Variants in SHANK2 observed in about 807,000 individuals in gnomAD.
SHANK2 encodes the protein SH3 and multiple ankyrin repeat domains 2.
SHANK2 carries 43 observed loss-of-function variants against 133.7 expected under a neutral mutation model. The ratio of observed to expected loss-of-function variants is 0.32; its 90% CI spans 0.25 to 0.41. The LOEUF (loss-of-function observed/expected upper bound fraction) is 0.41. Ranked by LOEUF, SHANK2 falls within the 10% of genes least tolerant of loss-of-function variation. The pLI is 1.00. For synonymous variants in SHANK2, 1,017 were observed against 952.8 expected (o/e 1.07, Z -1.24); for missense variants, 1,994 against 2,235.8 (o/e 0.89, Z 2.18).
At chr11:70,733,801 AG>A (rs1555032813) in intron 14 of SHANK2, among the ~76,000 whole-genome samples, 1 of 152,108 alleles carries the variant, frequency 6.6e-6, no homozygotes, top group African/African-American at 2.4e-5. Flanking sequence ...GCCCAAGAAG[AG>A]GGGCAGGCTC....
intron 15 of SHANK2, among the ~76,000 whole-genome samples, chr11:70,694,353 C>T (rs978949733): frequency 1.1e-4 from 17 of 152,198 alleles, no homozygotes; most frequent in African/African-American, 3.9e-4. Context: ...ATTTGGCTCT[C>T]CAGCTCTGAG....
At position 70,500,555 on chromosome 11, in the gene SHANK2, C is replaced by T. The variant is rs748210693; in HGVS notation, c.2308+15G>A. On this transcript the variant is annotated intron_variant, in intron 21 of 25. Transcript: ENST00000601538. This position sits in a 1 kb window ranked among gnomAD's most constrained non-coding sequence, Gnocchi z 4.5. ...GATGGGCAGGGGGCTGAGACAGACACTGGGCCTCCCTTACCCTTCTTCTTC... is the reference window on the plus strand; with the variant it reads ...GATGGGCAGGGGGCTGAGACAGACATTGGGCCTCCCTTACCCTTCTTCTTC... The T allele has an allele frequency of 3.1e-6, 5 of 1,600,720 alleles. No homozygotes were observed. Among genetic ancestry groups the T allele is most frequent in the South Asian group, 1.1e-5 (1 of 88,346 alleles).
intron 15 of SHANK2, among the ~76,000 whole-genome samples, chr11:70,663,735 G>A (rs1169943620): frequency 6.6e-6 from 1 of 152,124 alleles, no homozygotes; most frequent in African/African-American, 2.4e-5. Flanking sequence ...TGGGGAACTC[G>A]GTCACAACTG....
intron 24 of SHANK2, among the ~76,000 whole-genome samples, chr11:70,488,695 G>A (rs989246735): frequency 6.6e-6 from 1 of 152,250 alleles, no homozygotes; most frequent in African/African-American, 2.4e-5. Context: ...AAGTGGTCCT[G>A]CCAAGACCCT....
At chr11:70,928,457 A>G (rs569355004) in intron 10 of SHANK2, among the ~76,000 whole-genome samples, 2 of 152,324 alleles carry the variant, frequency 1.3e-5, no homozygotes, top group South Asian at 4.1e-4. Context: ...GAAACAGAGC[A>G]TGGTTGCCAG....
At chr11:70,763,735 A>G (rs1438581450) in intron 14 of SHANK2, among the ~76,000 whole-genome samples, 3 of 152,174 alleles carry the variant, frequency 2.0e-5, no homozygotes, top group Non-Finnish European at 4.4e-5. Flanking sequence ...GGCAGGCAGA[A>G]TGCATTTGAC....
chr11:70,681,620 C>T (rs534636763), intron 15 of SHANK2, among the ~76,000 whole-genome samples: 1 of 152,148 alleles, frequency 6.6e-6, no homozygotes, highest in Non-Finnish European at 1.5e-5. Flanking sequence ...GGGGAGAGGC[C>T]AGCTCATTCG....
chr11:70,932,741 C>T (rs534356052), intron 10 of SHANK2, among the ~76,000 whole-genome samples: 1 of 152,146 alleles, frequency 6.6e-6, no homozygotes, highest in Non-Finnish European at 1.5e-5. Flanking sequence ...TAGGCTCATG[C>T]CTTCCATACA....
intron 14 of SHANK2, among the ~76,000 whole-genome samples, chr11:70,710,377 G>A (rs1177084664): frequency 1.3e-5 from 2 of 152,182 alleles, no homozygotes; most frequent in South Asian, 2.1e-4. Flanking sequence ...GCCCCCTCTC[G>A]GCTATGGAAT....
At chr11:70,753,028 G>A (rs1946788492) in intron 14 of SHANK2, among the ~76,000 whole-genome samples, 1 of 151,864 alleles carries the variant, frequency 6.6e-6, no homozygotes, top group South Asian at 2.1e-4. Context: ...CAGGAGAATC[G>A]CTTGAACCCA....
In SHANK2 at chr11:70,828,402, C is replaced by G. The variant is rs1948677928; in HGVS notation, c.1175-7720G>C. Among the ~76,000 whole-genome samples the G allele has an allele frequency of 2.6e-5, 4 of 152,244 alleles. No individual in the cohort carries two copies. The South Asian group carries it at 8.3e-4, about 31-fold the overall frequency. On this transcript the variant is annotated intron_variant, in intron 11 of 25. Transcript: ENST00000601538. ...GGGGTGACATTCTCACCCTACCATG[C>G]ATCACCGACTCATAAAACTGAGTCA...
At chr11:71,232,326 C>T (rs1266086729) in intron 1 of SHANK2, among the ~76,000 whole-genome samples, 3 of 152,142 alleles carry the variant, frequency 2.0e-5, no homozygotes, top group South Asian at 2.1e-4. Context: ...ATCAGCATCC[C>T]GGCCAATACT....
chr11:70,800,827 A>G (rs1948027991), intron 13 of SHANK2, among the ~76,000 whole-genome samples: 1 of 152,210 alleles, frequency 6.6e-6, no homozygotes, highest in Non-Finnish European at 1.5e-5. Flanking sequence ...AGGGAGGCCA[A>G]GGACTTGCTG....
intron 1 of SHANK2, among the ~76,000 whole-genome samples, chr11:71,235,623 G>GTTACCTGTATTT (rs1460928296): frequency 6.6e-6 from 1 of 151,038 alleles, no homozygotes; most frequent in Non-Finnish European, 1.5e-5. Flanking sequence ...TTAACTTTAT[G>GTTACCTGTATTT]TTACCTGTAT....
chr11:71,147,126 C>G lies in SHANK2; in HGVS notation c.201G>C (p.Gln67His), dbSNP rs1357357893. The change falls in exon 3 of 26, where the codon CAG becomes CAC. Residue 67 changes from glutamine to histidine, a missense_variant. This residue lies in a region of SHANK2 where 653 missense variants were observed against 563.4 expected (regional missense o/e 1.16). Transcript: ENST00000601538. ...GGCAGACCACGGGGCTCACCGTCTG[C>G]TGCAGGTCATGGATGACCACGCGGA... ...LVIRVVIHDL[Q>H]QTKCIRFNPD... 2.6e-6 allele frequency: 4 copies of G among 1,547,458 alleles called. No homozygotes were observed. Among genetic ancestry groups the G allele is most frequent in the Non-Finnish European group, 2.6e-6 (3 of 1,146,256 alleles).
intron 17 of SHANK2, among the ~76,000 whole-genome samples, chr11:70,513,406 T>G (rs2059228191): frequency 6.6e-6 from 1 of 152,064 alleles, no homozygotes; most frequent in South Asian, 2.1e-4. Context: ...AAATTTGAGC[T>G]GCTGCCACTG....
chr11:71,097,662 G>A (rs545510176), intron 6 of SHANK2, among the ~76,000 whole-genome samples: 2 of 152,246 alleles, frequency 1.3e-5, no homozygotes, highest in Non-Finnish European at 2.9e-5. Context: ...TCGAAAGGGT[G>A]AGAAGCGGGG....
At chr11:70,931,173 A>T (rs1209811034) in intron 10 of SHANK2, among the ~76,000 whole-genome samples, 5 of 152,218 alleles carry the variant, frequency 3.3e-5, no homozygotes, top group Non-Finnish European at 7.3e-5. Context: ...AGGCAAATCC[A>T]TAGTGACAGA....
At position 70,548,434 on chromosome 11, in the gene SHANK2, G is replaced by A. The variant is rs181761827; in HGVS notation, c.2062-45503C>T. 1.8e-3 allele frequency among the ~76,000 whole-genome samples: 273 copies of A among 152,342 alleles called. 2 individuals carry two copies. The highest frequency in any genetic ancestry group is 6.2e-3 in the African/African-American group (258 of 41,576). ...CATCCCGTCCACCCGCCACTTCCCTGCTCTTGACCTCAGCCCGTCTCCCGC... is the reference window on the plus strand; with the variant it reads ...CATCCCGTCCACCCGCCACTTCCCTACTCTTGACCTCAGCCCGTCTCCCGC... On this transcript the variant is annotated intron_variant, in intron 17 of 25. Coordinates refer to ENST00000601538, the MANE Select transcript of SHANK2 (RefSeq NM_012309.5).
Sources: allele counts gnomAD v4.1 joint callset (sites outside exome capture counted in the v4.1 genomes callset), GRCh38; gene constraint gnomAD v4.1.1; regional missense constraint gnomAD v4.1.1; non-coding constraint Gnocchi (gnomAD v3.1); transcripts MANE v1.5; gene names NCBI Gene and HGNC (gene_info 2026-07-23, HGNC 2026-07-21).